The following ARHGEF33 variants were observed in gnomAD, a reference collection of about 807,000 sequenced individuals.
ARHGEF33 encodes Rho guanine nucleotide exchange factor 33, also known as DH and coiled-coil domain-containing protein ENSP00000381780.
ARHGEF33 carries 72 observed loss-of-function variants against 101.9 expected under a neutral mutation model. The ratio of observed to expected loss-of-function variants is 0.71; its 90% CI spans 0.58 to 0.86. The LOEUF is 0.86. ARHGEF33 is among the 40% of genes least tolerant of loss of function. The pLI, the probability that ARHGEF33 is intolerant of heterozygous loss-of-function variation, is 0.00. For synonymous variants in ARHGEF33, 499 were observed against 442.5 expected, an observed-to-expected ratio of 1.13 and a Z score of -1.60; for missense variants, 1,169 against 1,111.3, an observed-to-expected ratio of 1.05 and a Z score of -0.74.
At chr2:38,947,672 T>TGACTC (rs1356366539) in intron 10 of ARHGEF33, among the ~76,000 whole-genome samples, 1 of 152,228 alleles carries the variant, frequency 6.6e-6, no homozygotes, top group Non-Finnish European at 1.5e-5. Flanking sequence ...TTTTTGGCTC[T>TGACTC]GACTCACCTA....
intron 7 of ARHGEF33, among the ~76,000 whole-genome samples, chr2:38,934,729 A>G (rs916771328): frequency 1.3e-5 from 2 of 150,896 alleles, no homozygotes; most frequent in African/African-American, 2.4e-5. Flanking sequence ...ATAGGAATGA[A>G]CAAAACAACA....
chr2:38,931,272 T>C (rs1278018951), intron 7 of ARHGEF33, 21 bp downstream of exon 7: 1 of 1,527,296 alleles, frequency 6.5e-7, no homozygotes, highest in East Asian at 2.5e-5. Context: ...CAAATCATAC[T>C]GAATTAATCA....
intron 2 of ARHGEF33, among the ~76,000 whole-genome samples, chr2:38,916,468 A>ATGCT (rs2124989297): frequency 6.6e-6 from 1 of 152,358 alleles, no homozygotes; most frequent in African/African-American, 2.4e-5. Flanking sequence ...ATATCAAGTA[A>ATGCT]ATTAACAATT....
At position 38,974,912 on chromosome 2, in the gene ARHGEF33, T is replaced by C. The variant is rs564781872; in HGVS notation, c.*1069T>C. The stretch of plus-strand genomic sequence containing the variant: ...CCTGCCTGGCTCTGGGGTGATAAAA[T>C]GTGCTCTGTTTCCACATGGATATGT... On this transcript the variant is annotated 3_prime_UTR_variant, in exon 18 of 18. Coordinates refer to ENST00000409978, the MANE Select transcript of ARHGEF33 (RefSeq NM_001145451.5). 1 of 152,290 alleles carries C rather than the reference T, an allele frequency of 6.6e-6. No homozygotes were observed. Among genetic ancestry groups the C allele is most frequent in the Admixed American group, 6.5e-5 (1 of 15,296 alleles). The allele number at this position is 152,290 out of a possible 1,614,324, so 9.4% of individuals were successfully genotyped here. A position where few individuals can be genotyped will look rare whatever the true frequency, so the allele number is the denominator to read the frequency against.
At chr2:38,926,228 A>T (rs367622478) in intron 4 of ARHGEF33, among the ~76,000 whole-genome samples, 3 of 152,190 alleles carry the variant, frequency 2.0e-5, no homozygotes, top group Non-Finnish European at 4.4e-5. Context: ...GAAAAAATCA[A>T]CGAGATGAGG....
intron 13 of ARHGEF33, among the ~76,000 whole-genome samples, chr2:38,956,235 C>T (rs1667749049): frequency 6.6e-6 from 1 of 152,132 alleles, no homozygotes; most frequent in Non-Finnish European, 1.5e-5. Flanking sequence ...GAGTTCAAAT[C>T]TTGCCTCCAT....
rs1303636990 is a variant in ARHGEF33 at position 38,959,992 on chromosome 2, C to G, written c.1687C>G (p.Gln563Glu). The stretch of plus-strand genomic sequence containing the variant: ...ACCGACGCAGTTCTGCGCGGCCGAG[C>G]AGGACGTGAAGGCGCTGGCCGGGCC... ...LAPTQFCAAE[Q>E]DVKALAGPLQ... Residue 563 changes from glutamine (Q) to glutamate (E), a missense_variant, in exon 16 of 18, where the codon CAG (glutamine) becomes GAG (glutamate). Gln to Glu is a conservative substitution (Grantham distance 29). Transcript: ENST00000409978. The G allele has an allele frequency of 6.4e-7, 1 of 1,550,538 alleles. No individual in the cohort carries two copies.
intron 15 of ARHGEF33, chr2:38,959,552 G>A (rs1251522977): frequency 1.5e-5 from 5 of 334,160 alleles, no homozygotes; most frequent in African/African-American, 1.1e-4. Context: ...AGCACCGCAG[G>A]TGGTGAGGAG....
chr2:38,942,159 C>T (rs1667326576), intron 9 of ARHGEF33, among the ~76,000 whole-genome samples: 5 of 143,712 alleles, frequency 3.5e-5, no homozygotes, highest in Admixed American at 2.9e-4. Context: ...ATACATCTCT[C>T]CTTTCTTTTT....
At position 38,929,828 on chromosome 2, in the gene ARHGEF33, C is replaced by T. The variant is rs1012661207; in HGVS notation, c.360C>T (p.Ala120=). 2.6e-6 allele frequency: 4 copies of T among 1,550,836 alleles called. No individual in the cohort carries two copies. The African/African-American group carries it at 5.5e-5, about 21-fold the overall frequency. Residue 120 remains alanine (A), a splice_region_variant and synonymous_variant, in exon 6 of 18, where the codon GCC becomes GCT. Transcript: ENST00000409978. ...GAAGAGAATCTCGAAAAGTTAAAGC[C>T]AAGTGAGTGTCTTTTAAAAATGTAC... ...EKRRESRKVK[A]KKTQKEEHSS...
chr2:38,962,950 G>A (rs1221653622), intron 16 of ARHGEF33, among the ~76,000 whole-genome samples: 3 of 151,244 alleles, frequency 2.0e-5, no homozygotes, highest in Non-Finnish European at 4.4e-5. Flanking sequence ...CGTGAACCCG[G>A]GAGGTGGAGC....
At chr2:38,926,167 C>T (rs555175258) in intron 4 of ARHGEF33, among the ~76,000 whole-genome samples, 3 of 152,270 alleles carry the variant, frequency 2.0e-5, no homozygotes, top group Admixed American at 6.5e-5. Context: ...AGTGGGAGCC[C>T]GCCTCCAGCG....
intron 4 of ARHGEF33, among the ~76,000 whole-genome samples, chr2:38,923,052 G>A (rs1666796040): frequency 6.6e-6 from 1 of 152,122 alleles, no homozygotes; most frequent in African/African-American, 2.4e-5. Flanking sequence ...TTAAAGTCAG[G>A]TATGATTTAA....
intron 2 of ARHGEF33, among the ~76,000 whole-genome samples, chr2:38,903,572 A>G (rs1666298580): frequency 6.6e-6 from 1 of 152,218 alleles, no homozygotes; most frequent in Non-Finnish European, 1.5e-5. Context: ...GAAGTGGGCA[A>G]ACACCAGGCA....
At chr2:38,925,384 A>T (rs958636655) in intron 4 of ARHGEF33, among the ~76,000 whole-genome samples, 3 of 152,182 alleles carry the variant, frequency 2.0e-5, no homozygotes, top group African/African-American at 7.2e-5. Context: ...GTAAATCCTG[A>T]TTGAGACTAA....
intron 4 of ARHGEF33, among the ~76,000 whole-genome samples, chr2:38,928,254 G>A (rs1307882088): frequency 6.6e-6 from 1 of 152,140 alleles, no homozygotes; most frequent in African/African-American, 2.4e-5. Flanking sequence ...GACTGCTGGA[G>A]ATGATTCATA....
At chr2:38,915,978 A>T (rs1457675851) in intron 2 of ARHGEF33, among the ~76,000 whole-genome samples, 3 of 152,158 alleles carry the variant, frequency 2.0e-5, no homozygotes, top group Non-Finnish European at 4.4e-5. Context: ...TTGAGCTATG[A>T]TCATGCCATT....
chr2:38,955,138 C>A (rs1484241346), intron 13 of ARHGEF33, among the ~76,000 whole-genome samples: 1 of 152,166 alleles, frequency 6.6e-6, no homozygotes, highest in Admixed American at 6.6e-5. Flanking sequence ...ATCCATCTAA[C>A]CTGTTCACTT....
chr2:38,923,104 G>C (rs1666796818), intron 4 of ARHGEF33, among the ~76,000 whole-genome samples: 3 of 152,124 alleles, frequency 2.0e-5, no homozygotes, highest in South Asian at 2.1e-4. Context: ...CTGAATGTTG[G>C]CTAAATATAG....
Sources: gnomAD v4.1 joint callset for allele counts (sites outside exome capture counted in the v4.1 genomes callset) on GRCh38, gnomAD v4.1.1 for gene constraint, MANE v1.5 for transcripts, NCBI Gene and HGNC (gene_info 2026-07-23, HGNC 2026-07-21) for gene names.